The following GADL1 variants were observed in gnomAD, a reference collection of about 807,000 sequenced individuals.
The protein encoded by GADL1 is acidic amino acid decarboxylase GADL1.
GADL1 carries 71 observed loss-of-function variants against 69.5 expected under a neutral mutation model. The observed-to-expected ratio is 1.02, with a 90% CI of 0.84 to 1.25. The LOEUF is 1.25. GADL1 is among the 50% of genes most tolerant of loss of function. GADL1 has a pLI of 0.00. For missense variants in GADL1, 737 were observed against 631.8 expected (o/e 1.17, Z -1.79); for synonymous variants, 254 against 214.4 (o/e 1.18, Z -1.62).
intron 11 of GADL1, among the ~76,000 whole-genome samples, chr3:30,830,678 T>TC (rs1472886609): frequency 2.0e-5 from 3 of 152,018 alleles, no homozygotes; most frequent in African/African-American, 7.2e-5. Context: ...TCCTATGACC[T>TC]CAGATATCAT....
rs1226958721 is a variant in GADL1, at chr3:30,727,141, A to G, written c.*1101T>C. ...TATGTGTGTGTATATATATACATAT[A>G]TATGTATATATGTATATCACAGAAA... is the stretch of plus-strand genomic sequence containing the variant. On this transcript the variant is annotated 3_prime_UTR_variant, in exon 15 of 15. Transcript: ENST00000282538. The G allele has an allele frequency of 1.3e-5, 2 of 150,020 alleles. No homozygotes were observed. The highest frequency in any genetic ancestry group is 2.5e-5 in the African/African-American group (1 of 40,720). The allele number at this position is 150,020 out of a possible 1,614,324, so 9.3% of individuals were successfully genotyped here.
At chr3:30,852,341 A>T (rs1382019869) in intron 4 of GADL1, among the ~76,000 whole-genome samples, 1 of 152,008 alleles carries the variant, frequency 6.6e-6, no homozygotes, top group Non-Finnish European at 1.5e-5. Context: ...GTGAAACCCC[A>T]TCTCTATTAA....
In GADL1 at chr3:30,771,207, ACT is replaced by A. The variant is rs1181757085; in HGVS notation, c.1392+6970_1392+6971del. Among the ~76,000 whole-genome samples, 3 of 152,194 alleles carry A rather than the reference ACT, an allele frequency of 2.0e-5. No individual in the cohort carries two copies. In the East Asian group the frequency reaches 5.8e-4, roughly 29 times the overall value. On this transcript the variant is annotated intron_variant, in intron 14 of 14. Coordinates refer to ENST00000282538, the MANE Select transcript of GADL1 (RefSeq NM_207359.3). ...TTCCCTGCCCTTCAGCTGAAGGAAC[ACT>A]CCAGCTTCTTCAGCTGATTGCTGAA...
chr3:30,857,765 C>T (rs1329670912), intron 2 of GADL1, among the ~76,000 whole-genome samples: 1 of 151,920 alleles, frequency 6.6e-6, no homozygotes, highest in African/African-American at 2.4e-5. Context: ...CGATCTGCTT[C>T]TCCTGGTTTC....
At chr3:30,842,065 G>C (rs1697974696) in intron 8 of GADL1, among the ~76,000 whole-genome samples, 2 of 152,066 alleles carry the variant, frequency 1.3e-5, no homozygotes, top group Admixed American at 1.3e-4. Context: ...CAAATCAATG[G>C]TAGTGGGGGG....
intron 13 of GADL1, among the ~76,000 whole-genome samples, chr3:30,784,945 G>A (rs770502051): frequency 6.6e-6 from 1 of 152,126 alleles, no homozygotes; most frequent in Non-Finnish European, 1.5e-5. Context: ...ACTCTCTTCA[G>A]CTTTAAGCCT....
intron 13 of GADL1, among the ~76,000 whole-genome samples, chr3:30,780,059 G>A (rs905187884): frequency 6.6e-5 from 10 of 152,102 alleles, no homozygotes; most frequent in African/African-American, 1.4e-4. Flanking sequence ...GTGGCATCAC[G>A]TGGCATCACA....
At chr3:30,865,363 T>C (rs1226425110) in intron 1 of GADL1, among the ~76,000 whole-genome samples, 2 of 151,926 alleles carry the variant, frequency 1.3e-5, no homozygotes, top group Non-Finnish European at 2.9e-5. Flanking sequence ...AGCATGAGTT[T>C]GTGTCTGTCG....
intron 12 of GADL1, chr3:30,798,091 C>A (rs1468309362): frequency 6.6e-6 from 1 of 152,120 alleles, no homozygotes; most frequent in East Asian, 1.9e-4. Context: ...TTCCACACTG[C>A]CTTTCCCTTC....
chr3:30,825,577 A>G (rs1697667550), intron 11 of GADL1, among the ~76,000 whole-genome samples: 1 of 151,992 alleles, frequency 6.6e-6, no homozygotes, highest in Non-Finnish European at 1.5e-5. Context: ...TCTGCAAAGA[A>G]AAACAAATAG....
chr3:30,850,038 C>A lies in GADL1; in HGVS notation c.609G>T (p.Gly203=). Residue 203 remains glycine, a synonymous_variant, in exon 6 of 15, where the codon GGG becomes GGT. Transcript: ENST00000282538. Reference sequence around the variant, plus strand: ...GGATTAATCTTGGCGAACCAGACAGCCCCTTTTCCTTAATATCAGGACAAT... The same window carrying A: ...GGATTAATCTTGGCGAACCAGACAGACCCTTTTCCTTAATATCAGGACAAT... ...YKYCPDIKEK[G]LSGSPRLILF... is the part of the protein sequence containing the mutation. 2 of 1,611,238 alleles carry A rather than the reference C, an allele frequency of 1.2e-6. No homozygotes were observed. Among genetic ancestry groups the A allele is most frequent in the African/African-American group, 1.3e-5 (1 of 74,936 alleles).
intron 1 of GADL1, among the ~76,000 whole-genome samples, chr3:30,880,982 G>A: frequency 6.6e-6 from 1 of 151,888 alleles, no homozygotes; most frequent in East Asian, 1.9e-4. Context: ...TATGAGAGCA[G>A]TGCAAATGGA....
chr3:30,805,687 C>A (rs1697238714), intron 11 of GADL1, among the ~76,000 whole-genome samples: 2 of 147,156 alleles, frequency 1.4e-5, no homozygotes, highest in South Asian at 4.5e-4. Context: ...GGTCAGTGAT[C>A]CCATGGGTCT....
At chr3:30,742,152 A>G (rs1695635795) in intron 14 of GADL1, among the ~76,000 whole-genome samples, 1 of 152,160 alleles carries the variant, frequency 6.6e-6, no homozygotes, top group African/African-American at 2.4e-5. Context: ...GAGACTCTAG[A>G]CATCATATTC....
intron 14 of GADL1, among the ~76,000 whole-genome samples, chr3:30,775,651 A>G (rs1035408244): frequency 3.3e-5 from 5 of 152,206 alleles, no homozygotes; most frequent in African/African-American, 1.2e-4. Context: ...TGTAAATGGC[A>G]GAAAAGCATT....
At chr3:30,821,470 C>T (rs9879113) in intron 11 of GADL1, among the ~76,000 whole-genome samples, 21,638 of 151,448 alleles carry the variant, frequency 0.14, 1,747 homozygotes, top group East Asian at 0.28. Flanking sequence ...TGAACTGATC[C>T]CTACTAAAAC....
chr3:30,783,386 A>G (rs1187516595), intron 13 of GADL1, among the ~76,000 whole-genome samples: 1 of 152,244 alleles, frequency 6.6e-6, no homozygotes, highest in Non-Finnish European at 1.5e-5. Context: ...TTCACTTAAA[A>G]TAATACATTT....
At chr3:30,821,175 G>T (rs1008750495) in intron 11 of GADL1, among the ~76,000 whole-genome samples, 6 of 152,050 alleles carry the variant, frequency 3.9e-5, no homozygotes, top group Admixed American at 3.9e-4. Context: ...GGACTGCTGG[G>T]TGTGGGGAGG....
At chr3:30,865,617 C>T (rs1698390823) in intron 1 of GADL1, among the ~76,000 whole-genome samples, 2 of 151,942 alleles carry the variant, frequency 1.3e-5, no homozygotes, top group Non-Finnish European at 2.9e-5. Flanking sequence ...AGACATAGAA[C>T]ACAGTTAATG....
Sources: allele counts gnomAD v4.1 joint callset (sites outside exome capture counted in the v4.1 genomes callset), GRCh38; gene constraint gnomAD v4.1.1; transcripts MANE v1.5; gene names NCBI Gene and HGNC (gene_info 2026-07-23, HGNC 2026-07-21).